Variants in PPP2R5E observed in about 807,000 individuals in gnomAD.
PPP2R5E encodes the protein serine/threonine-protein phosphatase 2A 56 kDa regulatory subunit epsilon isoform.
A neutral mutation model predicts 65.3 loss-of-function variants in PPP2R5E; 4 were observed. The ratio of observed to expected loss-of-function variants is 0.06; its 90% CI spans 0.03 to 0.14. PPP2R5E has a LOEUF of 0.14. Among genes scored for constraint, PPP2R5E ranks in the 10% least tolerant of loss-of-function variants. The pLI is 1.00. For synonymous variants in PPP2R5E, 183 were observed against 187.4 expected, an observed-to-expected ratio of 0.98 and a Z score of 0.19; for missense variants, 274 against 556.1, an observed-to-expected ratio of 0.49 and a Z score of 5.10.
At chr14:63,512,649 G>C (rs753056638) in intron 2 of PPP2R5E, among the ~76,000 whole-genome samples, 1 of 151,768 alleles carries the variant, frequency 6.6e-6, no homozygotes, top group Non-Finnish European at 1.5e-5. Context: ...AAGTTTCCTC[G>C]TATCTCCTTC....
At chr14:63,396,489 G>T in intron 6 of PPP2R5E, 97 bp downstream of exon 6, 15 of 1,449,700 alleles carry the variant, frequency 1.0e-5, no homozygotes, top group Non-Finnish European at 1.3e-5. Flanking sequence ...GGGAGAAAGA[G>T]AAGTCAGTAC....
intron 2 of PPP2R5E, among the ~76,000 whole-genome samples, chr14:63,492,831 C>G (rs1274014789): frequency 6.6e-6 from 1 of 152,116 alleles, no homozygotes. Context: ...AAAACAATGA[C>G]AGCCAAGTCT....
chr14:63,376,647 C>A (rs1289986471), intron 13 of PPP2R5E, among the ~76,000 whole-genome samples: 1 of 152,174 alleles, frequency 6.6e-6, no homozygotes, highest in African/African-American at 2.4e-5. Context: ...TTTGGTAAAA[C>A]TTCCCCCAAA....
chr14:63,384,913 C>G (rs1310121002), intron 11 of PPP2R5E, among the ~76,000 whole-genome samples: 1 of 152,062 alleles, frequency 6.6e-6, no homozygotes, highest in African/African-American at 2.4e-5. Flanking sequence ...CCAGGATGGT[C>G]TCGATCTCCT....
chr14:63,386,506 C>T (rs1884674417), intron 11 of PPP2R5E, among the ~76,000 whole-genome samples: 1 of 152,136 alleles, frequency 6.6e-6, no homozygotes, highest in Non-Finnish European at 1.5e-5. Context: ...ATCTACAAGC[C>T]TATCCAATGT....
At chr14:63,438,392 T>C (rs931181446) in intron 3 of PPP2R5E, among the ~76,000 whole-genome samples, 3 of 152,258 alleles carry the variant, frequency 2.0e-5, no homozygotes, top group Non-Finnish European at 4.4e-5. Context: ...AAGCAAGATT[T>C]CACACTTTGT....
chr14:63,541,449 C>T (rs1893902047), intron 1 of PPP2R5E, among the ~76,000 whole-genome samples: 1 of 152,160 alleles, frequency 6.6e-6, no homozygotes, highest in Non-Finnish European at 1.5e-5. Flanking sequence ...TTAACCCTCT[C>T]GAGTTATTAA....
chr14:63,474,673 C>CAAAA lies in PPP2R5E; in HGVS notation c.158-20792_158-20789dup, dbSNP rs1157357885. On this transcript the variant is annotated intron_variant, in intron 2 of 13. Coordinates refer to ENST00000337537, the MANE Select transcript of PPP2R5E (RefSeq NM_006246.5). ...TGGGCAATAGAGTGATACCCCATCT[C>CAAAA]AAAAAAAAAAAAAAAAAAAAAAAAA... 1.1e-4 allele frequency among the ~76,000 whole-genome samples: 3 copies of CAAAA among 27,724 alleles called. 1 individual carries two copies. Among genetic ancestry groups the CAAAA allele is most frequent in the African/African-American group, 2.0e-4 (2 of 10,104 alleles). The allele number at this position is 27,724 out of a possible 152,430, so 18.2% of individuals were successfully genotyped here. A position where few individuals can be genotyped will look rare whatever the true frequency, so the allele number is the denominator to read the frequency against.
At chr14:63,437,884 G>A (rs1184408556) in intron 3 of PPP2R5E, among the ~76,000 whole-genome samples, 3 of 152,086 alleles carry the variant, frequency 2.0e-5, no homozygotes, top group Non-Finnish European at 2.9e-5. Context: ...CTTTCCTTGT[G>A]TGTGCCACTC....
At chr14:63,480,237 C>G (rs771424948) in intron 2 of PPP2R5E, among the ~76,000 whole-genome samples, 105 of 152,042 alleles carry the variant, frequency 6.9e-4, no homozygotes, top group Non-Finnish European at 1.3e-3. Flanking sequence ...GAGGGTAGAT[C>G]ATGGGAGGCC....
rs763242209 is a variant in PPP2R5E at position 63,453,748 on chromosome 14, A to G, written c.295T>C (p.Tyr99His). ...KRSTLNELVDYITISRGCLTE... is the reference protein window; with the variant it reads ...KRSTLNELVDHITISRGCLTE... ...AAACAGCCTCTGCTTATTGTAATGT[A>G]GTCCACCAGTTCATTAAGAGTGGAG... Residue 99 changes from tyrosine to histidine, a missense_variant, in exon 3 of 14, where the codon TAC (tyrosine) becomes CAC (histidine). This residue lies in a region of PPP2R5E where 51 missense variants were observed against 101.1 expected (regional missense o/e 0.50). Transcript: ENST00000337537. The G allele has an allele frequency of 1.9e-6, 3 of 1,613,832 alleles. No individual in the cohort carries two copies. In the Admixed American group the frequency reaches 5.0e-5, roughly 27 times the overall value.
chr14:63,512,547 A>C (rs1022730100), intron 2 of PPP2R5E, among the ~76,000 whole-genome samples: 3 of 152,224 alleles, frequency 2.0e-5, no homozygotes. Flanking sequence ...GATTTGAGAC[A>C]CATAACTACC....
intron 2 of PPP2R5E, among the ~76,000 whole-genome samples, chr14:63,487,471 A>T (rs1891053431): frequency 1.3e-5 from 2 of 152,156 alleles, no homozygotes; most frequent in Non-Finnish European, 2.9e-5. Flanking sequence ...GAAGCTTGAG[A>T]ATGGTTAAAA....
intron 2 of PPP2R5E, among the ~76,000 whole-genome samples, chr14:63,524,695 C>T (rs1208944954): frequency 6.6e-6 from 1 of 152,204 alleles, no homozygotes; most frequent in African/African-American, 2.4e-5. Flanking sequence ...GCATGAGTTG[C>T]ACAGGGGCCC....
At chr14:63,540,893 A>T (rs187876275) in intron 1 of PPP2R5E, among the ~76,000 whole-genome samples, 1 of 152,314 alleles carries the variant, frequency 6.6e-6, no homozygotes, top group African/African-American at 2.4e-5. Context: ...AAAGAAATCT[A>T]TGCTGCCTGC....
At chr14:63,413,210 C>T (rs1886500745) in intron 5 of PPP2R5E, among the ~76,000 whole-genome samples, 2 of 152,230 alleles carry the variant, frequency 1.3e-5, no homozygotes, top group South Asian at 4.1e-4. Context: ...ATGGACAGCA[C>T]ACTGGGCTGA....
rs1283260949 is a variant in PPP2R5E, at chr14:63,372,674, A to G, written c.*3335T>C. On this transcript the variant is annotated 3_prime_UTR_variant, in exon 14 of 14. Transcript: ENST00000337537. ...ATCCCACCCTCATCCCCACAAAAAAATAAAAAAGCTTTTAAAGCTCTAAAT... is the reference window on the plus strand; with the variant it reads ...ATCCCACCCTCATCCCCACAAAAAAGTAAAAAAGCTTTTAAAGCTCTAAAT... 5 of 152,150 alleles carry G rather than the reference A, an allele frequency of 3.3e-5. No individual in the cohort carries two copies. Among genetic ancestry groups the G allele is most frequent in the Non-Finnish European group, 7.3e-5 (5 of 68,034 alleles). The allele number at this position is 152,150 out of a possible 1,614,324, so 9.4% of individuals were successfully genotyped here. A position where few individuals can be genotyped will look rare whatever the true frequency, so the allele number is the denominator to read the frequency against.
chr14:63,501,549 G>C (rs1289186158), intron 2 of PPP2R5E, among the ~76,000 whole-genome samples: 2 of 152,210 alleles, frequency 1.3e-5, no homozygotes, highest in African/African-American at 2.4e-5. Flanking sequence ...CAGCTGGAGA[G>C]AGAAGGTAGC....
At position 63,512,078 on chromosome 14, in the gene PPP2R5E, TAAAAAAAA is replaced by T. The variant is rs57623942; in HGVS notation, c.157+27443_157+27450del. ...TGGACGACAGAGCGAGACTCTGCGG[TAAAAAAAA>T]AAAAAAAAAAAAAAAAAAGAATCTC... On this transcript the variant is annotated intron_variant, in intron 2 of 13. Coordinates refer to ENST00000337537, the MANE Select transcript of PPP2R5E (RefSeq NM_006246.5). 2.0e-4 allele frequency among the ~76,000 whole-genome samples: 17 copies of T among 87,084 alleles called. No homozygotes were observed. The East Asian group carries it at 4.9e-3, about 25-fold the overall frequency. 57.1% of individuals were successfully genotyped at this position (87,084 alleles called of 152,430 possible).
Sources: gnomAD v4.1 joint callset for allele counts (sites outside exome capture counted in the v4.1 genomes callset) on GRCh38, gnomAD v4.1.1 for gene constraint, gnomAD v4.1.1 regional missense constraint, MANE v1.5 for transcripts, NCBI Gene and HGNC (gene_info 2026-07-23, HGNC 2026-07-21) for gene names.